NOD1: variants seen among roughly 807,000 people sequenced by gnomAD.
The protein encoded by NOD1 is nucleotide-binding oligomerization domain-containing protein 1.
NOD1 carries 70 observed loss-of-function variants against 81.2 expected under a neutral mutation model. That is an observed-to-expected ratio of 0.86 (90% CI 0.71 to 1.05). The LOEUF (loss-of-function observed/expected upper bound fraction) is 1.05, where lower values mean the gene tolerates loss of function less well. Ranked by LOEUF, NOD1 falls within the 50% of genes least tolerant of loss-of-function variation. The pLI is 0.00. For synonymous variants in NOD1, 508 were observed against 526.9 expected, an observed-to-expected ratio of 0.96 and a Z score of 0.49; for missense variants, 1,233 against 1,228.0, an observed-to-expected ratio of 1.00 and a Z score of -0.06.
chr7:30,477,332 C>T (rs574972350), intron 1 of NOD1, among the ~76,000 whole-genome samples: 3 of 152,324 alleles, frequency 2.0e-5, no homozygotes, highest in African/African-American at 7.2e-5. Flanking sequence ...TTTCAGCTAC[C>T]TGGCCCCTGG....
At position 30,433,341 on chromosome 7, in the gene NOD1, C is replaced by CTA; in HGVS notation, c.2622-163_2622-162insTA. Reference sequence around the variant, plus strand: ...CAGGCTCCAAGCCCAGCCTGTCAGCCCCACAGAAGGTCAATGGGACTCATT... The same window carrying CTA: ...CAGGCTCCAAGCCCAGCCTGTCAGCCTACCACAGAAGGTCAATGGGACTCATT... On this transcript the variant is annotated intron_variant, in intron 11 of 13. Coordinates refer to ENST00000222823, the MANE Select transcript of NOD1 (RefSeq NM_006092.4). 8.2e-6 allele frequency: 5 copies of CTA among 606,216 alleles called. No homozygotes were observed. In the South Asian group the frequency reaches 1.0e-4, roughly 12 times the overall value. 37.6% of individuals were successfully genotyped at this position (606,216 alleles called of 1,614,324 possible).
chr7:30,427,889 C>G (rs893604119), intron 13 of NOD1, among the ~76,000 whole-genome samples: 1 of 152,204 alleles, frequency 6.6e-6, no homozygotes, highest in African/African-American at 2.4e-5. Flanking sequence ...TCCTCTCCCC[C>G]TCTGCCTGCT....
chr7:30,445,318 C>G (rs993516907), intron 9 of NOD1, among the ~76,000 whole-genome samples: 2 of 144,060 alleles, frequency 1.4e-5, no homozygotes, highest in Admixed American at 6.9e-5. Context: ...GAAGGCAGTC[C>G]TTGAAGAGAC....
At chr7:30,473,131 A>C (rs1583894247) in intron 1 of NOD1, among the ~76,000 whole-genome samples, 1 of 152,094 alleles carries the variant, frequency 6.6e-6, no homozygotes, top group Non-Finnish European at 1.5e-5. Flanking sequence ...AGCAATTACT[A>C]CCTCATTATC....
In NOD1 at chr7:30,456,829, G is replaced by T. The variant is rs895681101; in HGVS notation, c.93C>A (p.Val31=). The change falls in exon 4 of 14, where the codon GTC becomes GTA. Residue 31 remains valine, a synonymous_variant. Transcript: ENST00000222823. ...GACACTGAGTATTGCGGATGTGAGTGACCAGAAGTTCCCGATTGCTTTTCA... is the reference window on the plus strand; with the variant it reads ...GACACTGAGTATTGCGGATGTGAGTTACCAGAAGTTCCCGATTGCTTTTCA... ...QLLKSNRELL[V]THIRNTQCLV... The T allele has an allele frequency of 6.2e-7, 1 of 1,614,148 alleles. No individual in the cohort carries two copies. The highest frequency in any genetic ancestry group is 1.7e-5 in the Admixed American group (1 of 60,026).
chr7:30,451,152 C>A lies in NOD1; in HGVS notation c.2201+64G>T, dbSNP rs1375836669. On this transcript the variant is annotated intron_variant, in intron 6 of 13. Transcript: ENST00000222823. The surrounding 1 kb of genome is among the most constrained non-coding windows in gnomAD (Gnocchi z 4.2). The stretch of plus-strand genomic sequence containing the variant: ...GGGGATCCTGGTCCATGATGCCATT[C>A]CCGATGCCCTCCGAGCCTGGCCCGC... 6.5e-7 allele frequency: 1 copy of A among 1,547,540 alleles called. No individual in the cohort carries two copies.
At chr7:30,426,897 G>A (rs1360703008) in intron 13 of NOD1, among the ~76,000 whole-genome samples, 3 of 152,168 alleles carry the variant, frequency 2.0e-5, no homozygotes, top group Non-Finnish European at 2.9e-5. Context: ...TGTAAGTGCT[G>A]CTTCCTCAGA....
chr7:30,435,277 AC>A (rs1158071877), intron 11 of NOD1, among the ~76,000 whole-genome samples: 1 of 152,122 alleles, frequency 6.6e-6, no homozygotes, highest in African/African-American at 2.4e-5. Context: ...TAAAGGCCAA[AC>A]CCTGATGTGA....
intron 6 of NOD1, among the ~76,000 whole-genome samples, chr7:30,449,633 A>C (rs1785472436): frequency 6.6e-6 from 1 of 152,012 alleles, no homozygotes; most frequent in African/African-American, 2.4e-5. Context: ...GGTCATGGAG[A>C]CTCCATACCA....
Position 30,446,130 on chromosome 7 carries a change from C to A in NOD1, c.2453+11G>T. On this transcript the variant is annotated intron_variant, in intron 9 of 13. Coordinates refer to ENST00000222823, the MANE Select transcript of NOD1 (RefSeq NM_006092.4). ...AGGTTGTACCACATACATCCATCCCCTTCTACTCACCCAACCTCAGAGATT... is the reference window on the plus strand; with the variant it reads ...AGGTTGTACCACATACATCCATCCCATTCTACTCACCCAACCTCAGAGATT... 1 of 1,609,878 alleles carries A rather than the reference C, an allele frequency of 6.2e-7. No individual in the cohort carries two copies. Among genetic ancestry groups the A allele is most frequent in the African/African-American group, 1.3e-5 (1 of 74,970 alleles).
chr7:30,425,628 A>G lies in NOD1; in HGVS notation c.*10T>C. The G allele has an allele frequency of 6.2e-7, 1 of 1,609,062 alleles. No individual in the cohort carries two copies. On this transcript the variant is annotated 3_prime_UTR_variant, in exon 14 of 14. Coordinates refer to ENST00000222823, the MANE Select transcript of NOD1 (RefSeq NM_006092.4). ...CAGGGCAAAAACCCCATGAACAGGA[A>G]AGCATCCTCTCAGAAACAGATAATC...
chr7:30,477,129 G>C (rs975482944), intron 1 of NOD1, among the ~76,000 whole-genome samples: 1 of 152,176 alleles, frequency 6.6e-6, no homozygotes, highest in Non-Finnish European at 1.5e-5. Flanking sequence ...CAGAATCCGA[G>C]TTTTGACCCA....
At chr7:30,473,100 A>G (rs1788432532) in intron 1 of NOD1, among the ~76,000 whole-genome samples, 1 of 152,190 alleles carries the variant, frequency 6.6e-6, no homozygotes, top group Non-Finnish European at 1.5e-5. Flanking sequence ...AGAGCACTTC[A>G]CACACACAGA....
intron 1 of NOD1, among the ~76,000 whole-genome samples, chr7:30,473,256 C>A (rs1366856346): frequency 1.3e-5 from 2 of 152,168 alleles, no homozygotes; most frequent in African/African-American, 2.4e-5. Flanking sequence ...GAGGCCAAAG[C>A]CACTGGGGTA....
At chr7:30,449,626 C>A (rs746409404) in intron 6 of NOD1, among the ~76,000 whole-genome samples, 2 of 152,156 alleles carry the variant, frequency 1.3e-5, no homozygotes, top group African/African-American at 2.4e-5. Context: ...TCCGGAGGGT[C>A]ATGGAGACTC....
chr7:30,456,679 G>A lies in NOD1; in HGVS notation c.201+42C>T, dbSNP rs745316065. ...CAGGGAGAGGCCTCTTCTAGCTCCC[G>A]GGGTCCACACAATGCCATGCCCGTC... On this transcript the variant is annotated intron_variant, in intron 4 of 13. Transcript: ENST00000222823. 4.7e-5 allele frequency: 73 copies of A among 1,556,398 alleles called. 1 individual carries two copies. The highest frequency in any genetic ancestry group is 2.1e-4 in the Middle Eastern group (1 of 4,714).
rs940697682 is a variant in NOD1 at position 30,478,693 on chromosome 7, A to T, written c.-439T>A. On this transcript the variant is annotated 5_prime_UTR_variant, in exon 1 of 14. Coordinates refer to ENST00000222823, the MANE Select transcript of NOD1 (RefSeq NM_006092.4). This position sits in a 1 kb window ranked among gnomAD's most constrained non-coding sequence, Gnocchi z 4.1. ...ATGGTCCGGGGACGCCGGGGCCGGG[A>T]AGCGCCGTGGCCCGGGAGGACGCTG... 4 of 152,364 alleles carry T rather than the reference A, an allele frequency of 2.6e-5. No homozygotes were observed. Among genetic ancestry groups the T allele is most frequent in the African/African-American group, 4.8e-5 (2 of 41,452 alleles). The allele number at this position is 152,364 out of a possible 1,614,324, so 9.4% of individuals were successfully genotyped here.
chr7:30,460,019 A>C lies in NOD1; in HGVS notation c.-329T>G, dbSNP rs947245264. 2 of 157,444 alleles carry C rather than the reference A, an allele frequency of 1.3e-5. No homozygotes were observed. Among genetic ancestry groups the C allele is most frequent in the Non-Finnish European group, 2.8e-5 (2 of 72,388 alleles). The allele number at this position is 157,444 out of a possible 1,614,324, so 9.8% of individuals were successfully genotyped here. ...TGCCATCAAAGGCAGAAACCGAAGG[A>C]AAGTCTCCTGACTTACAATCACCTA... is the stretch of plus-strand genomic sequence containing the variant. On this transcript the variant is annotated 5_prime_UTR_variant, in exon 2 of 14. Transcript: ENST00000222823.
At chr7:30,458,734 CCTTTT>C (rs1222508418) in intron 3 of NOD1, among the ~76,000 whole-genome samples, 6 of 148,422 alleles carry the variant, frequency 4.0e-5, no homozygotes, top group South Asian at 2.2e-4. Context: ...ACTAATCCAG[CCTTTT>C]CTTTTTTTTT....
Sources: gnomAD v4.1 joint callset for allele counts (sites outside exome capture counted in the v4.1 genomes callset) on GRCh38, gnomAD v4.1.1 for gene constraint, Gnocchi (gnomAD v3.1) non-coding constraint, MANE v1.5 for transcripts, NCBI Gene and HGNC (gene_info 2026-07-23, HGNC 2026-07-21) for gene names.